Variants in RAB40B observed in about 807,000 individuals in gnomAD.
RAB40B encodes the protein RAB40B, member RAS oncogene family.
In RAB40B, 21 loss-of-function variants were observed where a neutral mutation model predicts 24.0. That is an observed-to-expected ratio of 0.88 (90% CI 0.62 to 1.26). The LOEUF (loss-of-function observed/expected upper bound fraction) is 1.26, where lower values mean the gene tolerates loss of function less well. RAB40B is among the 50% of genes most tolerant of loss of function. RAB40B has a pLI of 0.00. For missense variants in RAB40B, 348 were observed against 390.5 expected (o/e 0.89, Z 0.92); for synonymous variants, 167 against 169.8 (o/e 0.98, Z 0.13).
At chr17:82,669,136 GA>G (rs2046300835) in intron 1 of RAB40B, among the ~76,000 whole-genome samples, 1 of 80,436 alleles carries the variant, frequency 1.2e-5, no homozygotes, top group South Asian at 3.1e-4. Context: ...CCAGGAATTC[GA>G]AACCAGCCTG....
rs530280581 is a variant in RAB40B, at chr17:82,696,754, C to T, written c.142+1701G>A. ...GTCCTCCAGGCGCTCAATCTCCAGCCCTGTCCTCCAGGCGCTCAATCTCCA... is the reference window on the plus strand; with the variant it reads ...GTCCTCCAGGCGCTCAATCTCCAGCTCTGTCCTCCAGGCGCTCAATCTCCA... On this transcript the variant is annotated intron_variant, in intron 1 of 5. Coordinates refer to ENST00000571995, the MANE Select transcript of RAB40B (RefSeq NM_006822.3). The T allele has an allele frequency of 8.7e-5, 13 of 149,960 alleles. No homozygotes were observed. In the East Asian group the frequency reaches 2.4e-3, roughly 28 times the overall value. 9.3% of individuals were successfully genotyped at this position (149,960 alleles called of 1,614,324 possible). A position where few individuals can be genotyped will look rare whatever the true frequency, so the allele number is the denominator to read the frequency against.
At position 82,675,670 on chromosome 17, in the gene RAB40B, C is replaced by T. The variant is rs1330998411; in HGVS notation, c.143-11114G>A. On this transcript the variant is annotated intron_variant, in intron 1 of 5. Transcript: ENST00000571995. The surrounding 1 kb of genome is among the most constrained non-coding windows in gnomAD (Gnocchi z 4.5). ...GCTGCATCCTGGTTCATGGAGGTGT[C>T]TTCTCCCCATGTCCTCCCCTAGCTG... Among the ~76,000 whole-genome samples the T allele has an allele frequency of 6.6e-6, 1 of 152,170 alleles. No individual in the cohort carries two copies. The highest frequency in any genetic ancestry group is 2.4e-5 in the African/African-American group (1 of 41,440).
At chr17:82,681,487 C>T (rs2046449098) in intron 1 of RAB40B, among the ~76,000 whole-genome samples, 3 of 152,106 alleles carry the variant, frequency 2.0e-5, no homozygotes, top group African/African-American at 7.2e-5. Flanking sequence ...GCAACCCAGG[C>T]TCTGAGTGCG....
chr17:82,660,307 C>G (rs2046149598), intron 3 of RAB40B, among the ~76,000 whole-genome samples: 1 of 151,962 alleles, frequency 6.6e-6, no homozygotes, highest in South Asian at 2.1e-4. Context: ...CAAGCAGGCA[C>G]TCATGCACAG....
intron 3 of RAB40B, among the ~76,000 whole-genome samples, chr17:82,660,432 G>A (rs113875887): frequency 5.7e-4 from 71 of 124,550 alleles, no homozygotes; most frequent in African/African-American, 2.0e-3. Context: ...GTAAACACAC[G>A]CACAGGCACT....
intron 1 of RAB40B, among the ~76,000 whole-genome samples, chr17:82,669,912 C>T (rs533898591): frequency 1.3e-5 from 2 of 152,266 alleles, no homozygotes; most frequent in African/African-American, 4.8e-5. Context: ...ATATTTGCTC[C>T]ATAATAGCAA....
intron 2 of RAB40B, chr17:82,662,776 C>G (rs2046190540): frequency 1.0e-6 from 1 of 985,362 alleles, no homozygotes; most frequent in African/African-American, 1.7e-5. Context: ...GTGAGGGTGA[C>G]TGTTCGGCCC....
At chr17:82,679,278 A>G (rs1235641012) in intron 1 of RAB40B, among the ~76,000 whole-genome samples, 1 of 146,646 alleles carries the variant, frequency 6.8e-6, no homozygotes, top group African/African-American at 2.6e-5. Flanking sequence ...TATTATTATT[A>G]TTTTATTTTA....
chr17:82,698,430 C>A, intron 1 of RAB40B, 25 bp downstream of exon 1: 1 of 1,344,114 alleles, frequency 7.4e-7, no homozygotes, highest in Non-Finnish European at 9.6e-7. Context: ...GCCCGCACCC[C>A]GGCACGCCCT....
chr17:82,659,566 T>C lies in RAB40B; in HGVS notation c.342+14A>G. ...CCTACAGGGATCTTGGGCAGTGGCA[T>C]TTCTACAACATACCTCATCGATCTC... On this transcript the variant is annotated intron_variant, in intron 4 of 5. Transcript: ENST00000571995. The C allele has an allele frequency of 6.2e-7, 1 of 1,613,698 alleles. No homozygotes were observed. The highest frequency in any genetic ancestry group is 8.5e-7 in the Non-Finnish European group (1 of 1,179,652).
chr17:82,684,428 C>A (rs2046476983), intron 1 of RAB40B, among the ~76,000 whole-genome samples: 1 of 152,056 alleles, frequency 6.6e-6, no homozygotes, highest in Non-Finnish European at 1.5e-5. Context: ...GCAACTCCAC[C>A]CCTGGATATT....
intron 1 of RAB40B, among the ~76,000 whole-genome samples, chr17:82,685,575 C>A (rs2046491453): frequency 6.6e-6 from 1 of 152,184 alleles, no homozygotes; most frequent in African/African-American, 2.4e-5. Flanking sequence ...GGGGCCCCTC[C>A]AGGGCCCTAG....
rs776962470 is a variant in RAB40B, at chr17:82,664,540, C to T, written c.159G>A (p.Thr53=). Reference sequence around the variant, plus strand: ...GCCGCCCGTCCAGCAGGATGGTGGTCGTCTTGTAGTCGATGCCTGCGGAAG... The same window carrying T: ...GCCGCCCGTCCAGCAGGATGGTGGTTGTCTTGTAGTCGATGCCTGCGGAAG... ...YGHPAGIDYK[T]TTILLDGRRV... The change falls in exon 2 of 6, where the codon ACG becomes ACA. Residue 53 remains threonine, a synonymous_variant. Coordinates refer to ENST00000571995, the MANE Select transcript of RAB40B (RefSeq NM_006822.3). 5.6e-6 allele frequency: 9 copies of T among 1,613,464 alleles called. No homozygotes were observed. The highest frequency in any genetic ancestry group is 4.5e-5 in the East Asian group (2 of 44,882).
chr17:82,685,132 C>A (rs1481267870), intron 1 of RAB40B, among the ~76,000 whole-genome samples: 3 of 142,278 alleles, frequency 2.1e-5, no homozygotes, highest in Admixed American at 1.4e-4. Flanking sequence ...AAAAAAAAAA[C>A]AAAAAAACTC....
At chr17:82,671,629 C>T (rs1425536222) in intron 1 of RAB40B, among the ~76,000 whole-genome samples, 98 of 91,944 alleles carry the variant, frequency 1.1e-3, no homozygotes, top group African/African-American at 3.2e-3. Flanking sequence ...CAGCTCACCC[C>T]GTAACTCTAA....
chr17:82,690,072 G>T (rs1431970733), intron 1 of RAB40B, among the ~76,000 whole-genome samples: 1 of 152,152 alleles, frequency 6.6e-6, no homozygotes, highest in Non-Finnish European at 1.5e-5. Context: ...ACTTGAAAGT[G>T]ATGACTTTAT....
intron 1 of RAB40B, among the ~76,000 whole-genome samples, chr17:82,677,900 C>T (rs949670233): frequency 6.6e-6 from 1 of 152,232 alleles, no homozygotes; most frequent in African/African-American, 2.4e-5. Flanking sequence ...ACACTGGGCC[C>T]AGCGAGCAGC....
chr17:82,659,284 C>T (rs978821696), intron 4 of RAB40B: 7 of 418,092 alleles, frequency 1.7e-5, no homozygotes, highest in South Asian at 8.1e-5. Context: ...CAGCCCAGCC[C>T]GACCACAGCA....
rs1373927581 is a variant in RAB40B, at chr17:82,697,693, C to T, written c.142+762G>A. On this transcript the variant is annotated intron_variant, in intron 1 of 5. Coordinates refer to ENST00000571995, the MANE Select transcript of RAB40B (RefSeq NM_006822.3). The surrounding 1 kb of genome is among the most constrained non-coding windows in gnomAD (Gnocchi z 4.9). ...CCCCCTTCTCCTGGGTTCCTGCCCC[C>T]GCCTTTCTTTCCCCGGAGCCGTCCA... 1.3e-5 allele frequency among the ~76,000 whole-genome samples: 2 copies of T among 152,198 alleles called. No homozygotes were observed. The highest frequency in any genetic ancestry group is 1.9e-4 in the East Asian group (1 of 5,188).
Sources: allele counts gnomAD v4.1 joint callset (sites outside exome capture counted in the v4.1 genomes callset), GRCh38; gene constraint gnomAD v4.1.1; non-coding constraint Gnocchi (gnomAD v3.1); transcripts MANE v1.5; gene names NCBI Gene and HGNC (gene_info 2026-07-23, HGNC 2026-07-21).